The following UMAD1 variants were observed in gnomAD, a reference collection of about 807,000 sequenced individuals.
UMAD1 encodes the protein UBAP1-MVB12-associated (UMA)-domain containing protein 1.
In UMAD1, 8 loss-of-function variants were observed where a neutral mutation model predicts 6.1. That is an observed-to-expected ratio of 1.30 (90% CI 0.76 to 2.35). The LOEUF (loss-of-function observed/expected upper bound fraction) is 2.35. UMAD1 is among the 30% of genes most tolerant of loss of function. The pLI is 0.00. For missense variants in UMAD1, 130 were observed against 78.4 expected (o/e 1.66, Z -2.49); for synonymous variants, 56 against 31.4 (o/e 1.78, Z -2.61).
intron 3 of UMAD1, among the ~76,000 whole-genome samples, chr7:7,808,986 A>T (rs1362312086): frequency 6.6e-6 from 1 of 151,974 alleles, no homozygotes; most frequent in Non-Finnish European, 1.5e-5. Flanking sequence ...AGAAACTGGC[A>T]CTAACACCTT....
chr7:7,794,975 C>T (rs917911831), intron 2 of UMAD1, among the ~76,000 whole-genome samples: 4 of 152,206 alleles, frequency 2.6e-5, no homozygotes, highest in African/African-American at 9.6e-5. Context: ...GCATTTACTT[C>T]TAGTCTTTAG....
rs561148064 is a variant in UMAD1, at chr7:7,824,118, C to T, written c.156+22375C>T. 5.3e-5 allele frequency among the ~76,000 whole-genome samples: 8 copies of T among 152,178 alleles called. 1 individual carries two copies. The South Asian group carries it at 1.2e-3, about 24-fold the overall frequency. On this transcript the variant is annotated intron_variant, in intron 3 of 3. Transcript: ENST00000682710. ...CTCCCGCACCTCCCACCTTGCCCTC[C>T]GCTCCACAGAATCAGAGAGGAACCA...
chr7:7,722,229 G>T (rs1352991034), intron 2 of UMAD1, among the ~76,000 whole-genome samples: 3 of 150,192 alleles, frequency 2.0e-5, no homozygotes, highest in African/African-American at 7.3e-5. Flanking sequence ...TATTAGTTCT[G>T]TCCCTCCAGT....
chr7:7,762,265 A>G (rs1321961158), intron 2 of UMAD1, among the ~76,000 whole-genome samples: 1 of 152,204 alleles, frequency 6.6e-6, no homozygotes, highest in Non-Finnish European at 1.5e-5. Flanking sequence ...AAACAAAATA[A>G]TGAAGCTTCC....
intron 2 of UMAD1, among the ~76,000 whole-genome samples, chr7:7,714,188 C>G (rs544018492): frequency 3.9e-5 from 6 of 152,320 alleles, no homozygotes; most frequent in Non-Finnish European, 7.3e-5. Flanking sequence ...ATGGCCTTTT[C>G]TCAAAGAAAA....
chr7:7,767,137 T>C (rs1782003268), intron 2 of UMAD1, among the ~76,000 whole-genome samples: 1 of 149,738 alleles, frequency 6.7e-6, no homozygotes, highest in Non-Finnish European at 1.5e-5. Context: ...TCTTTTTTTT[T>C]TTTTTGAGAC....
intron 2 of UMAD1, among the ~76,000 whole-genome samples, chr7:7,789,360 CTTA>C (rs1456828740): frequency 2.1e-5 from 3 of 145,160 alleles, no homozygotes; most frequent in African/African-American, 8.6e-5. Context: ...GGAGTAGAGA[CTTA>C]TTATAACATC....
At chr7:7,733,412 G>A (rs1477155774) in intron 2 of UMAD1, among the ~76,000 whole-genome samples, 1 of 151,786 alleles carries the variant, frequency 6.6e-6, no homozygotes, top group Non-Finnish European at 1.5e-5. Flanking sequence ...AGAAAGCAAG[G>A]CCAAACAATC....
intron 2 of UMAD1, among the ~76,000 whole-genome samples, chr7:7,733,734 T>G (rs1563163823): frequency 2.0e-5 from 3 of 151,466 alleles, no homozygotes; most frequent in Admixed American, 6.6e-5. Context: ...AATATATGAC[T>G]TTTTATAGTT....
At chr7:7,722,963 A>G (rs1468866318) in intron 2 of UMAD1, among the ~76,000 whole-genome samples, 1 of 152,084 alleles carries the variant, frequency 6.6e-6, no homozygotes, top group African/African-American at 2.4e-5. Context: ...TCCCTCTCCA[A>G]CCGATGCTGC....
intron 2 of UMAD1, among the ~76,000 whole-genome samples, chr7:7,779,507 G>C (rs1204475457): frequency 6.6e-6 from 1 of 152,106 alleles, no homozygotes; most frequent in Non-Finnish European, 1.5e-5. Context: ...TTGGCCTTAA[G>C]TGATCCTCCC....
chr7:7,816,344 C>A (rs1347900391), intron 3 of UMAD1, among the ~76,000 whole-genome samples: 2 of 152,360 alleles, frequency 1.3e-5, no homozygotes, highest in South Asian at 2.1e-4. Flanking sequence ...TCCGTAGTGC[C>A]TTCTCCTGTG....
At chr7:7,644,800 T>A (rs1785059174) in intron 1 of UMAD1, among the ~76,000 whole-genome samples, 1 of 152,224 alleles carries the variant, frequency 6.6e-6, no homozygotes. Flanking sequence ...GTCTTGGTTA[T>A]TTTTGTCTCT....
At chr7:7,863,989 G>A (rs1373264055) in intron 3 of UMAD1, among the ~76,000 whole-genome samples, 1 of 152,178 alleles carries the variant, frequency 6.6e-6, no homozygotes, top group African/African-American at 2.4e-5. Flanking sequence ...TATATATCTG[G>A]TCTTTGTCTC....
At chr7:7,805,367 C>G (rs1230043316) in intron 3 of UMAD1, among the ~76,000 whole-genome samples, 1 of 152,094 alleles carries the variant, frequency 6.6e-6, no homozygotes, top group African/African-American at 2.4e-5. Flanking sequence ...CCTGAGGTAC[C>G]CTTGGCTCCT....
intron 1 of UMAD1, among the ~76,000 whole-genome samples, chr7:7,661,315 T>C (rs980816478): frequency 6.6e-6 from 1 of 152,196 alleles, no homozygotes; most frequent in Admixed American, 6.5e-5. Context: ...AGCCTCCTTC[T>C]TTCAATTTGT....
chr7:7,653,127 T>C (rs1785260855), intron 1 of UMAD1, among the ~76,000 whole-genome samples: 1 of 152,240 alleles, frequency 6.6e-6, no homozygotes, highest in Non-Finnish European at 1.5e-5. Context: ...TAGAGTTGTC[T>C]GAATTCTTTT....
intron 2 of UMAD1, among the ~76,000 whole-genome samples, chr7:7,796,194 T>A (rs1782674057): frequency 6.6e-6 from 1 of 151,590 alleles, no homozygotes; most frequent in African/African-American, 2.4e-5. Context: ...AATATATAGA[T>A]ATACTTAAGC....
intron 1 of UMAD1, among the ~76,000 whole-genome samples, chr7:7,652,915 C>T (rs28916272): frequency 0.01 from 1,582 of 152,288 alleles, 26 homozygotes; most frequent in African/African-American, 0.035. Context: ...TTTGTGTAAA[C>T]ATTAAAATGA....
Sources: gnomAD v4.1 joint callset for allele counts (sites outside exome capture counted in the v4.1 genomes callset) on GRCh38, gnomAD v4.1.1 for gene constraint, MANE v1.5 for transcripts, NCBI Gene and HGNC (gene_info 2026-07-23, HGNC 2026-07-21) for gene names.